The following FAM13B variants were observed in gnomAD, a reference collection of about 807,000 sequenced individuals.
The protein encoded by FAM13B is family with sequence similarity 13 member B.
In FAM13B, 60 loss-of-function variants were observed where a neutral mutation model predicts 117.3. The observed-to-expected ratio is 0.51, with a 90% CI of 0.42 to 0.63. The LOEUF is 0.63. Ranked by LOEUF, FAM13B falls within the 30% of genes least tolerant of loss-of-function variation. FAM13B has a pLI of 0.00. For synonymous variants in FAM13B, 332 were observed against 356.1 expected (o/e 0.93, Z 0.76); for missense variants, 972 against 1,091.9 (o/e 0.89, Z 1.55).
chr5:137,959,523 T>C (rs1767541411), intron 13 of FAM13B, 93 bp downstream of exon 13: 4 of 1,310,200 alleles, frequency 3.1e-6, no homozygotes, highest in Non-Finnish European at 4.3e-6. Context: ...TGAATAAGGT[T>C]ATCCAGAAAA....
In FAM13B at chr5:138,011,750, A is replaced by T. The variant is rs759150261; in HGVS notation, c.548+18T>A. On this transcript the variant is annotated intron_variant, in intron 5 of 23. Coordinates refer to ENST00000689681, the MANE Select transcript of FAM13B (RefSeq NM_001385994.1). ...TCTAATTTTTAAAAATTAAACAAAA[A>T]TTTTTTAAACAACTTACTGGAAGAC... 6.3e-7 allele frequency: 1 copy of T among 1,586,132 alleles called. No individual in the cohort carries two copies. The highest frequency in any genetic ancestry group is 8.6e-7 in the Non-Finnish European group (1 of 1,167,958).
chr5:138,047,333 C>T (rs529269664), intron 1 of FAM13B, among the ~76,000 whole-genome samples: 151 of 151,318 alleles, frequency 1.0e-3, no homozygotes, highest in African/African-American at 3.5e-3. Flanking sequence ...GGTGAAACCC[C>T]ACCTCTACTA....
At chr5:137,973,049 A>C (rs1396554697) in intron 10 of FAM13B, among the ~76,000 whole-genome samples, 1 of 152,182 alleles carries the variant, frequency 6.6e-6, no homozygotes, top group Non-Finnish European at 1.5e-5. Context: ...TAATTTATAG[A>C]TTCAATGCCA....
At chr5:137,976,859 G>A (rs1487038641) in intron 10 of FAM13B, among the ~76,000 whole-genome samples, 3 of 152,112 alleles carry the variant, frequency 2.0e-5, no homozygotes, top group Non-Finnish European at 4.4e-5. Flanking sequence ...TGCACAAATT[G>A]TAGAGCAAGT....
Position 137,973,146 on chromosome 5 carries a change from G to A in FAM13B, c.1180-10677C>T, listed in dbSNP as rs577234095. ...ATGGAACCAAAAAACAGCCCACATC[G>A]CCAAGTCAATCCTGAGCCAAAAGAA... On this transcript the variant is annotated intron_variant, in intron 10 of 23. Transcript: ENST00000689681. Among the ~76,000 whole-genome samples, 43 of 152,190 alleles carry A rather than the reference G, an allele frequency of 2.8e-4. No individual in the cohort carries two copies. The South Asian group carries it at 5.8e-3, about 21-fold the overall frequency.
intron 7 of FAM13B, among the ~76,000 whole-genome samples, chr5:137,992,838 T>C (rs922516592): frequency 9.2e-5 from 14 of 152,240 alleles, no homozygotes; most frequent in Non-Finnish European, 1.6e-4. Flanking sequence ...TTACTAAAAC[T>C]GAAGACAGGT....
chr5:138,011,132 T>C lies in FAM13B; in HGVS notation c.566A>G (p.Glu189Gly). Residue 189 changes from glutamate (E) to glycine (G), a missense_variant, in exon 6 of 24, where the codon GAA (glutamate) becomes GGA (glycine). By Grantham distance (98) the Glu-to-Gly change is moderately conservative. Coordinates refer to ENST00000689681, the MANE Select transcript of FAM13B (RefSeq NM_001385994.1). ...PDVFHIYTDV[E>G]DMKEQEIVSR... ...CACTATTTCTTGCTCTTTCATGTCT[T>C]CCACATCTGTGTAAATGCTAAGAAT... 6.2e-7 allele frequency: 1 copy of C among 1,606,702 alleles called. No individual in the cohort carries two copies. Among genetic ancestry groups the C allele is most frequent in the Non-Finnish European group, 8.5e-7 (1 of 1,178,560 alleles).
chr5:137,976,818 C>T (rs557182667), intron 10 of FAM13B, among the ~76,000 whole-genome samples: 3 of 152,192 alleles, frequency 2.0e-5, no homozygotes, highest in East Asian at 1.9e-4. Flanking sequence ...GGATGTATTT[C>T]GCCTCAGGAC....
intron 18 of FAM13B, among the ~76,000 whole-genome samples, chr5:137,947,891 A>T (rs1367056704): frequency 6.6e-6 from 1 of 152,126 alleles, no homozygotes; most frequent in Admixed American, 6.5e-5. Flanking sequence ...GGCCAAAAGA[A>T]ATTTTTTTTT....
chr5:138,044,530 C>T (rs570171995), intron 1 of FAM13B, among the ~76,000 whole-genome samples: 10 of 143,742 alleles, frequency 7.0e-5, no homozygotes, highest in African/African-American at 2.1e-4. Context: ...CCAGCCTGGG[C>T]GACAGAGCAA....
intron 20 of FAM13B, among the ~76,000 whole-genome samples, chr5:137,944,777 A>AAC (rs1561728594): frequency 6.6e-6 from 1 of 150,772 alleles, no homozygotes; most frequent in Non-Finnish European, 1.5e-5. Context: ...AAAAAAAAAA[A>AAC]ACAAAATCAT....
chr5:138,033,801 C>A (rs1790783976), upstream of FAM13B: 1 of 152,224 alleles, frequency 6.6e-6, no homozygotes, highest in Non-Finnish European at 1.5e-5. Context: ...CCAATCTCTT[C>A]TTTGTTATAG....
intron 2 of FAM13B, chr5:138,020,824 C>T (rs1786531668): frequency 3.7e-6 from 1 of 269,224 alleles, no homozygotes; most frequent in East Asian, 6.6e-5. Context: ...AACAATGCAG[C>T]CAACTTAAAA....
intron 6 of FAM13B, among the ~76,000 whole-genome samples, chr5:138,007,762 T>C (rs1204353686): frequency 6.6e-6 from 1 of 152,232 alleles, no homozygotes; most frequent in African/African-American, 2.4e-5. Context: ...TGTCCTCCAT[T>C]ATGAAACTGG....
intron 4 of FAM13B, among the ~76,000 whole-genome samples, chr5:138,012,900 T>C (rs1232323981): frequency 1.3e-5 from 2 of 151,822 alleles, no homozygotes; most frequent in African/African-American, 4.8e-5. Context: ...AGTACTATGT[T>C]GATTCAAAAA....
At chr5:138,018,002 A>T (rs1785682733) in intron 4 of FAM13B, among the ~76,000 whole-genome samples, 1 of 152,140 alleles carries the variant, frequency 6.6e-6, no homozygotes, top group African/African-American at 2.4e-5. Context: ...TACCTTACAT[A>T]AATTTCTCTT....
intron 10 of FAM13B, among the ~76,000 whole-genome samples, chr5:137,978,865 C>A (rs929519631): frequency 6.6e-6 from 1 of 152,180 alleles, no homozygotes; most frequent in Non-Finnish European, 1.5e-5. Context: ...ATATAAACCA[C>A]CTTGATATTC....
rs1231983561 is a variant in FAM13B at position 138,011,160 on chromosome 5, A to G, written c.549-11T>C. ...ACATCTGTGTAAATGCTAAGAATAG[A>G]AGTCCAAATTGAATTGAGAGTTCTT... On this transcript the variant is annotated splice_polypyrimidine_tract_variant and intron_variant, in intron 5 of 23. Transcript: ENST00000689681. 5 of 1,592,354 alleles carry G rather than the reference A, an allele frequency of 3.1e-6. No individual in the cohort carries two copies.
intron 4 of FAM13B, among the ~76,000 whole-genome samples, chr5:138,013,759 T>A (rs1784612086): frequency 2.6e-5 from 4 of 152,102 alleles, no homozygotes. Flanking sequence ...AAATCACATA[T>A]CAAAAATGCA....
Sources: allele counts gnomAD v4.1 joint callset (sites outside exome capture counted in the v4.1 genomes callset), GRCh38; gene constraint gnomAD v4.1.1; transcripts MANE v1.5; gene names NCBI Gene and HGNC (gene_info 2026-07-23, HGNC 2026-07-21).